SS18: variants seen among roughly 807,000 people sequenced by gnomAD.
The protein encoded by SS18 is protein SSXT.
In SS18, 28 loss-of-function variants were observed where a neutral mutation model predicts 72.5. That is an observed-to-expected ratio of 0.39 (90% CI 0.29 to 0.53). SS18 has a LOEUF of 0.53. Ranked by LOEUF, SS18 falls within the 20% of genes least tolerant of loss-of-function variation. SS18 has a pLI of 0.76. For synonymous variants in SS18, 172 were observed against 164.2 expected (o/e 1.05, Z -0.37); for missense variants, 518 against 535.3 (o/e 0.97, Z 0.32).
At chr18:26,060,349 T>A (rs1260489944) in intron 3 of SS18, among the ~76,000 whole-genome samples, 1 of 152,110 alleles carries the variant, frequency 6.6e-6, no homozygotes, top group Non-Finnish European at 1.5e-5. Flanking sequence ...CTAGGCAAAT[T>A]CAGAGAGACA....
At chr18:26,088,396 G>T (rs912288277) in intron 1 of SS18, among the ~76,000 whole-genome samples, 1 of 152,134 alleles carries the variant, frequency 6.6e-6, no homozygotes, top group Non-Finnish European at 1.5e-5. Flanking sequence ...TTTTATAACA[G>T]CATGGTTTTG....
At chr18:26,087,416 A>T in intron 2 of SS18, 85 bp downstream of exon 2, 1 of 746,682 alleles carries the variant, frequency 1.3e-6, no homozygotes, top group Non-Finnish European at 2.4e-6. Context: ...TATGTGAATT[A>T]TATCTCAATA....
At chr18:26,077,162 T>C (rs1470184809) in intron 3 of SS18, among the ~76,000 whole-genome samples, 1 of 152,052 alleles carries the variant, frequency 6.6e-6, no homozygotes, top group East Asian at 1.9e-4. Context: ...CAGGGAACTT[T>C]ATAATGGATT....
intron 2 of SS18, among the ~76,000 whole-genome samples, chr18:26,079,927 A>C (rs2054485763): frequency 6.6e-6 from 1 of 151,784 alleles, no homozygotes; most frequent in African/African-American, 2.4e-5. Flanking sequence ...TGTTACAAAC[A>C]ACAGGTTTCA....
chr18:26,039,775 A>G (rs965332334), intron 5 of SS18, among the ~76,000 whole-genome samples: 2 of 152,148 alleles, frequency 1.3e-5, no homozygotes, highest in Non-Finnish European at 2.9e-5. Flanking sequence ...ACTATCTAAT[A>G]TTTATCTATA....
intron 10 of SS18, among the ~76,000 whole-genome samples, chr18:26,024,245 A>C (rs2053406080): frequency 6.6e-6 from 1 of 152,206 alleles, no homozygotes; most frequent in African/African-American, 2.4e-5. Context: ...TGAGTAGTTA[A>C]AGGGGAATGA....
chr18:26,050,735 C>G (rs2053907338), intron 5 of SS18, among the ~76,000 whole-genome samples: 1 of 151,754 alleles, frequency 6.6e-6, no homozygotes, highest in African/African-American at 2.4e-5. Flanking sequence ...GAAACCCTGT[C>G]TCTACTAAAA....
At chr18:26,041,797 A>ATTG (rs2143904247) in intron 5 of SS18, among the ~76,000 whole-genome samples, 1 of 152,326 alleles carries the variant, frequency 6.6e-6, no homozygotes, top group South Asian at 2.1e-4. Context: ...CCTTGCTCTA[A>ATTG]AGGAAAGCAA....
chr18:26,032,163 A>G (rs1025870290), intron 10 of SS18, among the ~76,000 whole-genome samples: 2 of 152,122 alleles, frequency 1.3e-5, no homozygotes, highest in African/African-American at 4.8e-5. Context: ...GACAGAATAT[A>G]TATGTTGTTG....
chr18:26,064,961 T>G (rs1297709082), intron 3 of SS18: 1 of 151,888 alleles, frequency 6.6e-6, no homozygotes, highest in Non-Finnish European at 1.5e-5. Context: ...AAAAAACAAT[T>G]AGAAAGTGAA....
Position 26,087,691 on chromosome 18 carries a change from A to G in SS18, c.70-114T>C, listed in dbSNP as rs936575869. On this transcript the variant is annotated intron_variant, in intron 1 of 10. Transcript: ENST00000415083. ...AAATACTGCTTGTACAAGAACTCTA[A>G]AGCGTATCCCTTAACAAAATACTGT... The G allele has an allele frequency of 7.0e-5, 43 of 618,454 alleles. No individual in the cohort carries two copies. In the African/African-American group the frequency reaches 7.7e-4, roughly 11 times the overall value. 38.3% of individuals were successfully genotyped at this position (618,454 alleles called of 1,614,324 possible). A position where few individuals can be genotyped will look rare whatever the true frequency, so the allele number is the denominator to read the frequency against.
Position 26,017,824 on chromosome 18 carries a change from A to G in SS18, c.*530T>C, listed in dbSNP as rs1483470386. The G allele has an allele frequency of 1.3e-5, 3 of 226,834 alleles. No individual in the cohort carries two copies. The Admixed American group carries it at 1.7e-4, about 13-fold the overall frequency. 14.1% of individuals were successfully genotyped at this position (226,834 alleles called of 1,614,324 possible). ...CTTTATAGCACACCATTTTGAGACC[A>G]AAACAATCAAGCATCTACCATGTTC... On this transcript the variant is annotated 3_prime_UTR_variant, in exon 11 of 11. Transcript: ENST00000415083.
chr18:26,083,322 C>T (rs1284564217), intron 2 of SS18, among the ~76,000 whole-genome samples: 1 of 152,110 alleles, frequency 6.6e-6, no homozygotes, highest in Non-Finnish European at 1.5e-5. Context: ...CCTAAACATA[C>T]ACTATCCGTG....
chr18:26,070,999 G>A (rs953814628), intron 3 of SS18, among the ~76,000 whole-genome samples: 1 of 151,972 alleles, frequency 6.6e-6, no homozygotes, highest in East Asian at 1.9e-4. Context: ...GGAACTCAAG[G>A]GATAGGTATA....
upstream of SS18, chr18:26,090,673 G>A (rs1408525301): frequency 2.4e-6 from 3 of 1,228,668 alleles, no homozygotes; most frequent in African/African-American, 3.0e-5. Flanking sequence ...GGGAATGCGG[G>A]GAGGGGGGAT....
chr18:26,021,607 T>C (rs1020875293), intron 10 of SS18, among the ~76,000 whole-genome samples: 2 of 152,194 alleles, frequency 1.3e-5, no homozygotes, highest in Non-Finnish European at 2.9e-5. Context: ...CCTACTGCGA[T>C]GAAGACAGGA....
chr18:26,036,821 G>GA (rs2053633740), intron 7 of SS18, among the ~76,000 whole-genome samples: 1 of 152,024 alleles, frequency 6.6e-6, no homozygotes, highest in Non-Finnish European at 1.5e-5. Flanking sequence ...GGCAAACTAT[G>GA]GCCTGCAGTC....
chr18:26,070,782 C>T (rs375445479), intron 3 of SS18, among the ~76,000 whole-genome samples: 6 of 152,108 alleles, frequency 3.9e-5, no homozygotes, highest in African/African-American at 1.4e-4. Context: ...CTAATTCCCA[C>T]CCCATTCAAC....
intron 3 of SS18, among the ~76,000 whole-genome samples, chr18:26,057,966 T>C (rs754831704): frequency 6.6e-6 from 1 of 152,222 alleles, no homozygotes; most frequent in Non-Finnish European, 1.5e-5. Flanking sequence ...AATGTTAACA[T>C]TCTATACAAA....
Sources: allele counts gnomAD v4.1 joint callset (sites outside exome capture counted in the v4.1 genomes callset), GRCh38; gene constraint gnomAD v4.1.1; transcripts MANE v1.5; gene names NCBI Gene and HGNC (gene_info 2026-07-23, HGNC 2026-07-21).